The following CACNB4 variants were observed in gnomAD, a reference collection of about 807,000 sequenced individuals.
CACNB4 encodes calcium voltage-gated channel auxiliary subunit beta 4.
Under a neutral mutation model 71.2 loss-of-function variants are expected in CACNB4, and 32 were observed. The observed-to-expected ratio is 0.45, with a 90% CI of 0.34 to 0.60. The LOEUF (loss-of-function observed/expected upper bound fraction) is 0.60, where lower values mean the gene tolerates loss of function less well. Among genes scored for constraint, CACNB4 ranks in the 20% least tolerant of loss-of-function variants. CACNB4 has a pLI of 0.01. For synonymous variants in CACNB4, 231 were observed against 236.9 expected, an observed-to-expected ratio of 0.97 and a Z score of 0.23; for missense variants, 464 against 647.9, an observed-to-expected ratio of 0.72 and a Z score of 3.08.
intron 2 of CACNB4, among the ~76,000 whole-genome samples, chr2:151,905,357 C>T (rs2151517563): frequency 6.6e-6 from 1 of 152,262 alleles, no homozygotes; most frequent in South Asian, 2.1e-4. Flanking sequence ...CATATTGCTT[C>T]CCCCTAAAAC....
chr2:151,903,688 A>G (rs2099854043), intron 2 of CACNB4, among the ~76,000 whole-genome samples: 1 of 152,080 alleles, frequency 6.6e-6, no homozygotes, highest in African/African-American at 2.4e-5. Flanking sequence ...TCTCATCCAC[A>G]CTGTGTGGCA....
intron 2 of CACNB4, among the ~76,000 whole-genome samples, chr2:151,909,593 T>TG (rs945645448): frequency 2.6e-5 from 4 of 151,526 alleles, no homozygotes; most frequent in African/African-American, 9.7e-5. Context: ...CAGCAGGCCC[T>TG]GTGTGTGTTG....
chr2:151,980,995 T>C lies in CACNB4; in HGVS notation c.148-97625A>G, dbSNP rs187855445. 2.1e-3 allele frequency among the ~76,000 whole-genome samples: 320 copies of C among 152,306 alleles called. 4 individuals carry two copies. Among genetic ancestry groups the C allele is most frequent in the Non-Finnish European group, 9.1e-4 (62 of 68,036 alleles). On this transcript the variant is annotated intron_variant, in intron 2 of 13. Coordinates refer to ENST00000539935, the MANE Select transcript of CACNB4 (RefSeq NM_000726.5). Reference sequence around the variant, plus strand: ...GTCCCCTCTGTCAGGGAGGCCACCTTCACTCTGTCCCCTACCCCGACTGCT... The same window carrying C: ...GTCCCCTCTGTCAGGGAGGCCACCTCCACTCTGTCCCCTACCCCGACTGCT...
chr2:151,871,072 C>G, intron 6 of CACNB4: 1 of 587,724 alleles, frequency 1.7e-6, no homozygotes, highest in Non-Finnish European at 3.0e-6. Flanking sequence ...CTCCCTGGTA[C>G]AAATGACCTT....
In CACNB4 at chr2:152,096,876, G is replaced by A. The variant is rs191874896; in HGVS notation, c.147+1454C>T. ...CAAAAGTTTTAGTCAAACAGCTTAT[G>A]GAAAGAACTGCTGTGTAATTAGTAT... On this transcript the variant is annotated intron_variant, in intron 2 of 13. Coordinates refer to ENST00000539935, the MANE Select transcript of CACNB4 (RefSeq NM_000726.5). Among the ~76,000 whole-genome samples the A allele has an allele frequency of 3.3e-5, 5 of 152,286 alleles. No individual in the cohort carries two copies. The East Asian group carries it at 9.6e-4, about 29-fold the overall frequency.
chr2:151,841,714 A>C (rs2099836276), intron 13 of CACNB4, 189 bp downstream of exon 13: 1 of 527,294 alleles, frequency 1.9e-6, no homozygotes, highest in Non-Finnish European at 3.3e-6. Context: ...ATTCTCAGGA[A>C]ATTGTCAGTC....
At chr2:151,866,955 T>G (rs2099843300) in intron 9 of CACNB4, 1 of 152,234 alleles carries the variant, frequency 6.6e-6, no homozygotes, top group Non-Finnish European at 1.5e-5. Context: ...ACAATTCTAC[T>G]TGATTCGAGA....
At chr2:151,949,440 C>G (rs746941498) in intron 2 of CACNB4, among the ~76,000 whole-genome samples, 4 of 151,842 alleles carry the variant, frequency 2.6e-5, no homozygotes, top group Non-Finnish European at 5.9e-5. Flanking sequence ...AGGCTTCTGG[C>G]AGGATGTGAT....
intron 2 of CACNB4, among the ~76,000 whole-genome samples, chr2:151,948,515 G>A (rs759773126): frequency 6.6e-6 from 1 of 152,016 alleles, no homozygotes. Context: ...ATAAAAATTA[G>A]CCAGGCATAG....
At chr2:151,953,177 G>A (rs2099867359) in intron 2 of CACNB4, among the ~76,000 whole-genome samples, 1 of 152,176 alleles carries the variant, frequency 6.6e-6, no homozygotes, top group African/African-American at 2.4e-5. Context: ...AAAAGGAAAT[G>A]GAGGCAGTAA....
At chr2:152,067,572 C>G (rs754546376) in intron 2 of CACNB4, among the ~76,000 whole-genome samples, 2 of 152,126 alleles carry the variant, frequency 1.3e-5, no homozygotes, top group Non-Finnish European at 2.9e-5. Context: ...GTCCTTTACT[C>G]CAATTGGGAT....
intron 2 of CACNB4, among the ~76,000 whole-genome samples, chr2:152,094,584 T>A (rs909293990): frequency 6.6e-6 from 1 of 152,238 alleles, no homozygotes; most frequent in Non-Finnish European, 1.5e-5. Context: ...CTTATGGATA[T>A]ATAATAGATA....
intron 2 of CACNB4, among the ~76,000 whole-genome samples, chr2:151,911,310 T>C (rs1293688798): frequency 1.3e-5 from 2 of 152,208 alleles, no homozygotes; most frequent in African/African-American, 2.4e-5. Flanking sequence ...TCTTGCCTGA[T>C]TGCCCTGGCC....
intron 2 of CACNB4, chr2:151,968,839 G>A (rs180719031): frequency 2.5e-4 from 38 of 152,276 alleles, no homozygotes; most frequent in South Asian, 1.9e-3. Flanking sequence ...AGTACCTGGC[G>A]AGGATTGATC....
At chr2:151,971,470 A>G (rs947636656) in intron 2 of CACNB4, 9 of 702,256 alleles carry the variant, frequency 1.3e-5, no homozygotes, top group Non-Finnish European at 2.1e-5. Flanking sequence ...GCCATCTGAG[A>G]AAAGCCTTTC....
chr2:152,044,533 A>G (rs1381004852), intron 2 of CACNB4, among the ~76,000 whole-genome samples: 5 of 152,210 alleles, frequency 3.3e-5, no homozygotes, highest in African/African-American at 7.2e-5. Context: ...GCAAATTATT[A>G]AAGGGAAATT....
chr2:151,894,669 C>T (rs1050897015), intron 2 of CACNB4, among the ~76,000 whole-genome samples: 1 of 152,030 alleles, frequency 6.6e-6, no homozygotes, highest in Non-Finnish European at 1.5e-5. Context: ...CCTAAAGACG[C>T]CACCAAAAAA....
intron 2 of CACNB4, among the ~76,000 whole-genome samples, chr2:151,908,183 C>T (rs960807488): frequency 1.3e-5 from 2 of 152,134 alleles, no homozygotes; most frequent in East Asian, 3.9e-4. Flanking sequence ...AGCCAAAGAA[C>T]CTGTTAAGGT....
intron 2 of CACNB4, among the ~76,000 whole-genome samples, chr2:151,915,659 A>G (rs1454191566): frequency 2.6e-5 from 4 of 152,162 alleles, no homozygotes; most frequent in Non-Finnish European, 4.4e-5. Flanking sequence ...CCTGGCCAAC[A>G]TAGTGAAACC....
Sources: gnomAD v4.1 joint callset for allele counts (sites outside exome capture counted in the v4.1 genomes callset) on GRCh38, gnomAD v4.1.1 for gene constraint, MANE v1.5 for transcripts, NCBI Gene and HGNC (gene_info 2026-07-23, HGNC 2026-07-21) for gene names.